Variants in CEP128 observed in about 807,000 individuals in gnomAD.
CEP128 encodes the protein centrosomal protein 128kDa.
Under a neutral mutation model 156.7 loss-of-function variants are expected in CEP128, and 132 were observed. That is an observed-to-expected ratio of 0.84 (90% confidence interval 0.73 to 0.97). The LOEUF (loss-of-function observed/expected upper bound fraction) is 0.97, where lower values mean the gene tolerates loss of function less well. CEP128 is among the 50% of genes least tolerant of loss of function. The probability of loss-of-function intolerance (pLI) is 0.00; values close to 1 mark genes in which losing one functional copy is unlikely to be tolerated. For missense variants in CEP128, 1,252 were observed against 1,281.9 expected, an observed-to-expected ratio of 0.98 and a Z score of 0.36; for synonymous variants, 469 against 448.9, an observed-to-expected ratio of 1.04 and a Z score of -0.57.
rs1286850353 is a variant in CEP128 at position 80,793,060 on chromosome 14, C to T, written c.1260G>A (p.Leu420=). ...ENGEKQQLQM[L]DRLKEIQNHF... ...GATTCTGGATCTCCTTAAGTCGATC[C>T]AACATCTGCAGTTGCTGTTTTTCCC... is the stretch of plus-strand genomic sequence containing the variant. Residue 420 remains leucine (L), a synonymous_variant, in exon 14 of 25, where the codon TTG becomes TTA. Transcript: ENST00000555265. 3 of 1,613,818 alleles carry T rather than the reference C, an allele frequency of 1.9e-6. No individual in the cohort carries two copies. In the African/African-American group the frequency reaches 4.0e-5, roughly 22 times the overall value.
rs1595284728 is a variant in CEP128, at chr14:80,722,287, C to T, written c.2806+20788G>A. Among the ~76,000 whole-genome samples, 4 of 152,100 alleles carry T rather than the reference C, an allele frequency of 2.6e-5. No homozygotes were observed. The South Asian group carries it at 8.3e-4, about 32-fold the overall frequency. On this transcript the variant is annotated intron_variant, in intron 19 of 24. Coordinates refer to ENST00000555265, the MANE Select transcript of CEP128 (RefSeq NM_152446.5). ...CGTCATGCCATGCTATGAACAGGAT[C>T]ACCACTGTAGAACACAACACAAATA...
At chr14:80,724,583 A>C (rs539345606) in intron 19 of CEP128, among the ~76,000 whole-genome samples, 30 of 152,204 alleles carry the variant, frequency 2.0e-4, no homozygotes, top group Admixed American at 5.2e-4. Context: ...AACCTCTGAA[A>C]AGCTTTTAGA....
chr14:80,660,201 T>A (rs1895340445), intron 19 of CEP128, among the ~76,000 whole-genome samples: 1 of 152,136 alleles, frequency 6.6e-6, no homozygotes, highest in South Asian at 2.1e-4. Flanking sequence ...GAACCTGACT[T>A]TGAGATATGA....
At chr14:80,786,240 G>A (rs1901399842) in intron 14 of CEP128, among the ~76,000 whole-genome samples, 1 of 152,086 alleles carries the variant, frequency 6.6e-6, no homozygotes, top group Non-Finnish European at 1.5e-5. Context: ...TAACTCTTCT[G>A]GCCTCTAATT....
chr14:80,574,889 A>T (rs1337616303), intron 20 of CEP128, among the ~76,000 whole-genome samples: 1 of 152,050 alleles, frequency 6.6e-6, no homozygotes, highest in East Asian at 1.9e-4. Flanking sequence ...AAGAAAATCG[A>T]ACCCTTCAAC....
intron 23 of CEP128, among the ~76,000 whole-genome samples, chr14:80,525,321 A>C (rs993833246): frequency 2.6e-5 from 4 of 152,194 alleles, no homozygotes; most frequent in African/African-American, 9.6e-5. Flanking sequence ...TTAGGTTTTC[A>C]TCCCGATTCA....
At chr14:80,875,402 A>G (rs547843297) in intron 8 of CEP128, among the ~76,000 whole-genome samples, 10 of 152,338 alleles carry the variant, frequency 6.6e-5, no homozygotes, top group African/African-American at 2.4e-4. Flanking sequence ...TTGGCAGAAA[A>G]TAAAATACGC....
rs138323270 is a variant in CEP128, at chr14:80,793,055, C to T, written c.1265G>A (p.Arg422Gln). The T allele has an allele frequency of 4.4e-5, 71 of 1,614,052 alleles. No homozygotes were observed. The highest frequency in any genetic ancestry group is 1.6e-4 in the Middle Eastern group (1 of 6,062). ...AAAGTGATTCTGGATCTCCTTAAGT[C>T]GATCCAACATCTGCAGTTGCTGTTT... ...GEKQQLQMLD[R>Q]LKEIQNHFDT... The change falls in exon 14 of 25, where the codon CGA becomes CAA. Residue 422 changes from arginine to glutamine, a missense_variant. Coordinates refer to ENST00000555265, the MANE Select transcript of CEP128 (RefSeq NM_152446.5).
At chr14:80,766,804 T>G (rs1050841422) in intron 16 of CEP128, among the ~76,000 whole-genome samples, 1 of 151,864 alleles carries the variant, frequency 6.6e-6, no homozygotes, top group African/African-American at 2.4e-5. Flanking sequence ...TTTACATACG[T>G]CAACAAAGGG....
chr14:80,506,220 T>A (rs369698280), intron 23 of CEP128, among the ~76,000 whole-genome samples: 28 of 151,532 alleles, frequency 1.8e-4, no homozygotes, highest in African/African-American at 6.8e-4. Context: ...AGTGTGGAGG[T>A]GAGAAAGAGT....
chr14:80,540,049 C>T (rs116838080), intron 21 of CEP128, among the ~76,000 whole-genome samples: 1 of 152,168 alleles, frequency 6.6e-6, no homozygotes, highest in African/African-American at 2.4e-5. Context: ...GCACCGTGCA[C>T]CGCTGAACAT....
At chr14:80,744,137 A>G (rs751830289) in intron 18 of CEP128, among the ~76,000 whole-genome samples, 11 of 152,054 alleles carry the variant, frequency 7.2e-5, no homozygotes, top group Non-Finnish European at 1.0e-4. Context: ...AGCCTCCCGA[A>G]GTACTAGAAC....
chr14:80,557,686 T>C (rs1355933243), intron 21 of CEP128, among the ~76,000 whole-genome samples: 1 of 152,168 alleles, frequency 6.6e-6, no homozygotes, highest in Non-Finnish European at 1.5e-5. Flanking sequence ...AAGTTATTTA[T>C]CCATAGGGTC....
intron 9 of CEP128, among the ~76,000 whole-genome samples, chr14:80,841,597 T>C (rs985664557): frequency 4.6e-5 from 7 of 152,042 alleles, no homozygotes; most frequent in African/African-American, 1.7e-4. Context: ...ATATATTACA[T>C]ATATTCAAAA....
At chr14:80,937,147 G>A (rs978676938) in intron 2 of CEP128, among the ~76,000 whole-genome samples, 2 of 151,892 alleles carry the variant, frequency 1.3e-5, no homozygotes, top group Non-Finnish European at 2.9e-5. Context: ...GTGAGACCTT[G>A]TCTCTACAAA....
At chr14:80,949,898 A>G (rs537686188) in intron 2 of CEP128, among the ~76,000 whole-genome samples, 2 of 152,308 alleles carry the variant, frequency 1.3e-5, no homozygotes, top group African/African-American at 4.8e-5. Context: ...AAATATATAT[A>G]TATTCGAATT....
At chr14:80,769,237 CT>C (rs58466818) in intron 16 of CEP128, among the ~76,000 whole-genome samples, 10,061 of 137,480 alleles carry the variant, frequency 0.073, 1,098 homozygotes, top group African/African-American at 0.25. Flanking sequence ...ATTTCTTCCT[CT>C]TTTTTTTTTT....
intron 2 of CEP128, chr14:80,956,032 G>A (rs1308048478): frequency 4.2e-6 from 3 of 718,322 alleles, no homozygotes; most frequent in East Asian, 5.4e-5. Flanking sequence ...CCCACACTTG[G>A]GAAGGTATCA....
chr14:80,510,580 A>T, intron 23 of CEP128, among the ~76,000 whole-genome samples: 1 of 152,068 alleles, frequency 6.6e-6, no homozygotes, highest in East Asian at 1.9e-4. Flanking sequence ...TCCAATTTGG[A>T]TGCCCCTTAT....
Sources: gnomAD v4.1 joint callset for allele counts (sites outside exome capture counted in the v4.1 genomes callset) on GRCh38, gnomAD v4.1.1 for gene constraint, MANE v1.5 for transcripts, NCBI Gene and HGNC (gene_info 2026-07-23, HGNC 2026-07-21) for gene names.